Variants in QTGAL observed in about 807,000 individuals in gnomAD.
QTGAL encodes the protein queuosine-tRNA galactosyltransferase.
At chr17:82,954,742 CTACAG>C in the QTGAL span, among the ~76,000 whole-genome samples, 99 of 152,288 alleles carry the variant, frequency 6.5e-4, no homozygotes, top group Non-Finnish European at 1.4e-3. Flanking sequence ...TTCTCCAAGT[CTACAG>C]TAACCAAAAC....
the QTGAL span, among the ~76,000 whole-genome samples, chr17:83,002,269 C>T: frequency 1.3e-5 from 2 of 152,180 alleles, no homozygotes; most frequent in African/African-American, 4.8e-5. Flanking sequence ...CCGGGGAACC[C>T]GCTCTCGGTG....
chr17:82,951,579 G>A, the QTGAL span, among the ~76,000 whole-genome samples: 1 of 152,122 alleles, frequency 6.6e-6, no homozygotes, highest in Admixed American at 6.5e-5. Flanking sequence ...CTTTTCCTTT[G>A]CATTCACAAC....
chr17:82,970,540 C>A, the QTGAL span, among the ~76,000 whole-genome samples: 9,419 of 148,604 alleles, frequency 0.063, 2,058 homozygotes, highest in African/African-American at 0.18. Flanking sequence ...TGGCCGCGAC[C>A]TCCGCACCCG....
the QTGAL span, among the ~76,000 whole-genome samples, chr17:83,021,112 T>C: frequency 6.6e-6 from 1 of 151,002 alleles, no homozygotes; most frequent in East Asian, 1.9e-4. Context: ...CTCTTCTCTG[T>C]ATGTGTTTTT....
the QTGAL span, among the ~76,000 whole-genome samples, chr17:82,961,947 G>A: frequency 4.7e-5 from 7 of 149,688 alleles, no homozygotes; most frequent in East Asian, 2.0e-4. Context: ...GTGTGGAGCC[G>A]GGCCCCTGTC....
the QTGAL span, chr17:83,006,644 A>G: frequency 2.0e-6 from 2 of 985,348 alleles, no homozygotes; most frequent in African/African-American, 3.5e-5. The surrounding 1 kb of genome is among the most constrained non-coding windows in gnomAD (Gnocchi z 5.8). Flanking sequence ...TGCTATCCCG[A>G]CGCCGTGGCT....
chr17:83,028,062 G>C, the QTGAL span, among the ~76,000 whole-genome samples: 1 of 152,228 alleles, frequency 6.6e-6, no homozygotes, highest in South Asian at 2.1e-4. Context: ...AGTGAGCCAA[G>C]ATCGCACCAC....
chr17:82,970,648 T>TGGACATGACCTCCCCACCCAGC, the QTGAL span, among the ~76,000 whole-genome samples: 5 of 33,538 alleles, frequency 1.5e-4, no homozygotes, highest in African/African-American at 6.4e-4. Flanking sequence ...CCGCACCCGG[T>TGGACATGACCTCCCCACCCAGC]GTGGCCGCGA....
the QTGAL span, among the ~76,000 whole-genome samples, chr17:83,031,490 C>T: frequency 1.3e-5 from 2 of 152,140 alleles, no homozygotes; most frequent in African/African-American, 4.8e-5. Context: ...CGAGCACCCA[C>T]GGGTCCCTCG....
the QTGAL span, among the ~76,000 whole-genome samples, chr17:82,998,266 T>A: frequency 1.8e-4 from 28 of 152,228 alleles, no homozygotes; most frequent in South Asian, 4.6e-3. Flanking sequence ...CACAATAATT[T>A]AAAAAAATTT....
At chr17:83,006,161 G>A in the QTGAL span, 1 of 986,638 alleles carries the variant, frequency 1.0e-6, no homozygotes, top group Non-Finnish European at 1.2e-6. The surrounding 1 kb of genome is among the most constrained non-coding windows in gnomAD (Gnocchi z 5.8). Context: ...AGACCAACAA[G>A]GAGACAATAG....
the QTGAL span, among the ~76,000 whole-genome samples, chr17:83,045,229 GGACA>G: frequency 6.6e-6 from 1 of 152,140 alleles, no homozygotes; most frequent in Non-Finnish European, 1.5e-5. Context: ...ACTGGCGTAA[GGACA>G]GACATATAGA....
the QTGAL span, chr17:82,942,813 C>T: frequency 1.8e-5 from 7 of 395,680 alleles, no homozygotes; most frequent in African/African-American, 2.1e-5. Context: ...GCCTGGAGAC[C>T]AGGCCCCCTT....
chr17:83,028,253 G>A, the QTGAL span, among the ~76,000 whole-genome samples: 68 of 151,692 alleles, frequency 4.5e-4, no homozygotes, highest in African/African-American at 1.5e-3. Context: ...GGCCGGGCGC[G>A]GTGGCTCACA....
chr17:82,946,968 C>A, the QTGAL span: 1 of 1,563,962 alleles, frequency 6.4e-7, no homozygotes, highest in African/African-American at 1.4e-5. Context: ...TCCTCAAAGG[C>A]GCCCCCTGTG....
the QTGAL span, among the ~76,000 whole-genome samples, chr17:82,970,595 C>CATGGTGTGG: frequency 7.4e-6 from 1 of 135,688 alleles, no homozygotes; most frequent in African/African-American, 3.4e-5. Flanking sequence ...GACCTCCGCA[C>CATGGTGTGG]CCGGCGTGGC....
the QTGAL span, among the ~76,000 whole-genome samples, chr17:82,952,726 A>G: frequency 6.6e-6 from 1 of 152,188 alleles, no homozygotes; most frequent in Non-Finnish European, 1.5e-5. Flanking sequence ...AGAACTCTCC[A>G]CCCTAAATCA....
At chr17:83,028,561 A>C in the QTGAL span, among the ~76,000 whole-genome samples, 1 of 151,768 alleles carries the variant, frequency 6.6e-6, no homozygotes, top group African/African-American at 2.4e-5. Context: ...AAAGGTGCTC[A>C]CCATCACCAG....
chr17:83,010,308 A>G, the QTGAL span, among the ~76,000 whole-genome samples: 1 of 152,156 alleles, frequency 6.6e-6, no homozygotes, highest in Admixed American at 6.5e-5. Context: ...AGGAGCACCC[A>G]GGCCTGACAG....
Sources: gnomAD v4.1 joint callset for allele counts (sites outside exome capture counted in the v4.1 genomes callset) on GRCh38, gnomAD v4.1.1 for gene constraint, Gnocchi (gnomAD v3.1) non-coding constraint, MANE v1.5 for transcripts, NCBI Gene and HGNC (gene_info 2026-07-23, HGNC 2026-07-21) for gene names.